The following ADRA1A variants were observed in gnomAD, a reference collection of about 807,000 sequenced individuals.
ADRA1A encodes alpha-1A adrenergic receptor.
A neutral mutation model predicts 29.6 loss-of-function variants in ADRA1A; 31 were observed. The observed-to-expected ratio is 1.05, with a 90% CI of 0.79 to 1.41. ADRA1A has a LOEUF of 1.41. Among genes scored for constraint, ADRA1A ranks in the 40% most tolerant of loss-of-function variants. ADRA1A has a pLI of 0.00. For synonymous variants in ADRA1A, 311 were observed against 254.3 expected (o/e 1.22, Z -2.12); for missense variants, 619 against 601.1 (o/e 1.03, Z -0.31).
At chr8:26,777,382 G>A (rs1021789313) in intron 2 of ADRA1A, among the ~76,000 whole-genome samples, 1 of 152,134 alleles carries the variant, frequency 6.6e-6, no homozygotes, top group Admixed American at 6.5e-5. Flanking sequence ...TTCTCGCAGT[G>A]CTCTCTGGTG....
chr8:26,802,633 A>G (rs1027649882), intron 2 of ADRA1A, among the ~76,000 whole-genome samples: 2 of 152,186 alleles, frequency 1.3e-5, no homozygotes, highest in African/African-American at 4.8e-5. Context: ...GGGAGTGTGA[A>G]TTACTACAGC....
intron 2 of ADRA1A, among the ~76,000 whole-genome samples, chr8:26,790,969 C>G (rs1402543646): frequency 1.3e-5 from 2 of 152,042 alleles, no homozygotes; most frequent in East Asian, 3.9e-4. Context: ...GCCTCCCATG[C>G]ACATATAGGT....
At chr8:26,772,971 AG>A (rs1806284288) in intron 2 of ADRA1A, among the ~76,000 whole-genome samples, 1 of 152,174 alleles carries the variant, frequency 6.6e-6, no homozygotes, top group Non-Finnish European at 1.5e-5. Flanking sequence ...ATTATAATAA[AG>A]TTTACAGTCT....
At chr8:26,776,102 C>T (rs1279803371) in intron 2 of ADRA1A, among the ~76,000 whole-genome samples, 2 of 152,166 alleles carry the variant, frequency 1.3e-5, no homozygotes, top group Non-Finnish European at 2.9e-5. Context: ...TCAATGGCTC[C>T]AATACAAGAT....
At position 26,770,401 on chromosome 8, in the gene ADRA1A, C is replaced by T; in HGVS notation, c.1149G>A (p.Glu383=). Residue 383 remains glutamate (E), a synonymous_variant, in exon 3 of 3, where the codon GAG becomes GAA. Transcript: ENST00000380573. The part of the protein sequence containing the change: ...DMVRIPVGSR[E]TFYRISKTDG... ...CCGTCTTGGAGATCCTGTAGAAGGT[C>T]TCTCTTGATCCCACGGGGATGCGCA... The T allele has an allele frequency of 1.2e-6, 2 of 1,614,248 alleles. No individual in the cohort carries two copies. Among genetic ancestry groups the T allele is most frequent in the Non-Finnish European group, 1.7e-6 (2 of 1,180,048 alleles).
chr8:26,851,385 G>T (rs1311342999), intron 2 of ADRA1A, among the ~76,000 whole-genome samples: 1 of 152,092 alleles, frequency 6.6e-6, no homozygotes, highest in Non-Finnish European at 1.5e-5. Context: ...AAAGAAAAAA[G>T]TTACCCGTTT....
chr8:26,828,717 A>G (rs1810766703), intron 2 of ADRA1A, among the ~76,000 whole-genome samples: 2 of 152,228 alleles, frequency 1.3e-5, no homozygotes, highest in South Asian at 4.1e-4. Flanking sequence ...CCTTGATTAA[A>G]TGAAGTCACA....
downstream of ADRA1A, chr8:26,766,016 T>G (rs562736222): frequency 5.3e-5 from 86 of 1,612,134 alleles, no homozygotes; most frequent in Admixed American, 1.5e-4. Flanking sequence ...TGACTCCTCA[T>G]TTGCAGACTG....
chr8:26,772,883 A>ACACACG (rs79239280), intron 2 of ADRA1A, among the ~76,000 whole-genome samples: 13 of 151,728 alleles, frequency 8.6e-5, no homozygotes, highest in African/African-American at 3.1e-4. Flanking sequence ...ACACACACAC[A>ACACACG]ATGGGTGTTT....
rs1254637315 is a variant in ADRA1A, at chr8:26,821,332, TAC to T, written c.883+42753_883+42754del. ...CTTCTGGTGAGGGCCTCAGGAAGCA[TAC>T]AGTCATGGTGGAAGGCTAAGGGAGA... On this transcript the variant is annotated intron_variant, in intron 2 of 2. Coordinates refer to ENST00000380573, the MANE Select transcript of ADRA1A (RefSeq NM_000680.4). This position sits in a 1 kb window ranked among gnomAD's most constrained non-coding sequence, Gnocchi z 5.6. Among the ~76,000 whole-genome samples, 1 of 152,092 alleles carries T rather than the reference TAC, an allele frequency of 6.6e-6. No homozygotes were observed. The highest frequency in any genetic ancestry group is 1.5e-5 in the Non-Finnish European group (1 of 68,004).
At chr8:26,852,827 A>G (rs1039866082) in intron 2 of ADRA1A, among the ~76,000 whole-genome samples, 2 of 152,204 alleles carry the variant, frequency 1.3e-5, no homozygotes, top group Non-Finnish European at 2.9e-5. Context: ...AATTAACATA[A>G]ACGTGCTACC....
chr8:26,759,597 A>G (rs61759713), intron 2 of ADRA1A, among the ~76,000 whole-genome samples: 228 of 152,230 alleles, frequency 1.5e-3, no homozygotes, highest in Non-Finnish European at 2.6e-3. Context: ...CACCTCTGTT[A>G]TGACTCCAGG....
rs1813859835 is a variant in ADRA1A at position 26,865,754 on chromosome 8, G to T, written c.-686-99C>A. On this transcript the variant is annotated intron_variant, in intron 1 of 2. Coordinates refer to ENST00000380573, the MANE Select transcript of ADRA1A (RefSeq NM_000680.4). This position sits in a 1 kb window ranked among gnomAD's most constrained non-coding sequence, Gnocchi z 7.6. ...GTTGGGGGACACCAGTTGGGAGCCG[G>T]GTTGGTTCTGCGGTCCAGAAGCTGC... is the stretch of plus-strand genomic sequence containing the variant. 1 of 979,168 alleles carries T rather than the reference G, an allele frequency of 1.0e-6. No individual in the cohort carries two copies. Among genetic ancestry groups the T allele is most frequent in the Non-Finnish European group, 1.2e-6 (1 of 824,322 alleles). 60.7% of individuals were successfully genotyped at this position (979,168 alleles called of 1,614,324 possible).
chr8:26,864,166 C>T lies in ADRA1A; in HGVS notation c.804G>A (p.Lys268=). ...SVRLLKFSRE[K]KAAKTLGIVV... is the part of the protein sequence containing the mutation. The stretch of plus-strand genomic sequence containing the variant: ...CGATGCCCAGCGTTTTGGCCGCTTT[C>T]TTCTCCCGGGAGAACTTGAGGAGCC... Residue 268 remains lysine (K), a synonymous_variant, in exon 2 of 3, where the codon AAG becomes AAA. Transcript: ENST00000380573. This position sits in a 1 kb window ranked among gnomAD's most constrained non-coding sequence, Gnocchi z 8.1. 1.2e-6 allele frequency: 2 copies of T among 1,614,158 alleles called. No individual in the cohort carries two copies. Among genetic ancestry groups the T allele is most frequent in the Non-Finnish European group, 1.7e-6 (2 of 1,180,048 alleles).
At chr8:26,789,732 A>G (rs1807674865) in intron 2 of ADRA1A, among the ~76,000 whole-genome samples, 1 of 152,228 alleles carries the variant, frequency 6.6e-6, no homozygotes, top group African/African-American at 2.4e-5. Context: ...ACAGATTAAT[A>G]TCCAGAATAT....
chr8:26,808,420 A>T (rs1179202429), intron 2 of ADRA1A, among the ~76,000 whole-genome samples: 1 of 152,218 alleles, frequency 6.6e-6, no homozygotes, highest in Non-Finnish European at 1.5e-5. Flanking sequence ...GAAATGAATA[A>T]CTAAAATTTT....
At chr8:26,756,486 C>A (rs769167082) in exon 3 of ADRA1A, 1 of 1,488,156 alleles carries the variant, frequency 6.7e-7, no homozygotes. Context: ...TACAAAAAAT[C>A]GAGCTATTTG....
In ADRA1A at chr8:26,770,608, G is replaced by C. The variant is rs777474419; in HGVS notation, c.942C>G (p.Leu314=). ...GGTTGATGCAGCTGTTTAGATATCC[G>C]AGCCAAAATACTATTTTAAAAACTG... ...SETVFKIVFW[L]GYLNSCINPI... Residue 314 remains leucine (L), a synonymous_variant, in exon 3 of 3, where the codon CTC becomes CTG. Coordinates refer to ENST00000380573, the MANE Select transcript of ADRA1A (RefSeq NM_000680.4). 6.2e-7 allele frequency: 1 copy of C among 1,613,994 alleles called. No homozygotes were observed. Among genetic ancestry groups the C allele is most frequent in the African/African-American group, 1.3e-5 (1 of 74,916 alleles).
In ADRA1A at chr8:26,805,632, T is replaced by C. The variant is rs1226631956; in HGVS notation, c.884-34966A>G. Among the ~76,000 whole-genome samples the C allele has an allele frequency of 6.6e-6, 1 of 152,110 alleles. No homozygotes were observed. Among genetic ancestry groups the C allele is most frequent in the East Asian group, 1.9e-4 (1 of 5,200 alleles). On this transcript the variant is annotated intron_variant, in intron 2 of 2. Transcript: ENST00000380573. This position sits in a 1 kb window ranked among gnomAD's most constrained non-coding sequence, Gnocchi z 4.8. ...AACTTGCCCAAGGCCATGGAACAAG[T>C]GAGAGATGGAACTGGATTTGAACTC...
Sources: allele counts gnomAD v4.1 joint callset (sites outside exome capture counted in the v4.1 genomes callset), GRCh38; gene constraint gnomAD v4.1.1; non-coding constraint Gnocchi (gnomAD v3.1); transcripts MANE v1.5; gene names NCBI Gene and HGNC (gene_info 2026-07-23, HGNC 2026-07-21).